CREB5: variants seen among roughly 807,000 people sequenced by gnomAD.
CREB5 encodes the protein cyclic AMP-responsive element-binding protein 5.
Under a neutral mutation model 57.1 loss-of-function variants are expected in CREB5, and 19 were observed. The ratio of observed to expected loss-of-function variants is 0.33; its 90% CI spans 0.23 to 0.49. The LOEUF is 0.49. CREB5 is among the 20% of genes least tolerant of loss of function. The probability of loss-of-function intolerance (pLI) is 0.99; values close to 1 mark genes in which losing one functional copy is unlikely to be tolerated. For missense variants in CREB5, 579 were observed against 671.6 expected, an observed-to-expected ratio of 0.86 and a Z score of 1.52; for synonymous variants, 238 against 238.3, an observed-to-expected ratio of 1.00 and a Z score of 0.01.
chr7:28,756,418 T>C (rs1461116314), intron 7 of CREB5, among the ~76,000 whole-genome samples: 2 of 151,974 alleles, frequency 1.3e-5, no homozygotes, highest in African/African-American at 4.8e-5. Context: ...TAGCCAGGCA[T>C]GGTGGCACAT....
chr7:28,761,087 G>A (rs981419501), intron 7 of CREB5, among the ~76,000 whole-genome samples: 2 of 152,116 alleles, frequency 1.3e-5, no homozygotes, highest in Admixed American at 6.6e-5. Context: ...AATATCGTCA[G>A]GTAGAGAACT....
In CREB5 at chr7:28,688,564, G is replaced by A. The variant is rs528809203; in HGVS notation, c.465-30189G>A. 5.9e-5 allele frequency among the ~76,000 whole-genome samples: 9 copies of A among 152,322 alleles called. No homozygotes were observed. In the East Asian group the frequency reaches 1.2e-3, roughly 20 times the overall value. Reference sequence around the variant, plus strand: ...ATGAAAAGCAAAACCGTATGTGCTTGTTAGATAATTTTCCAGACAATACTC... The same window carrying A: ...ATGAAAAGCAAAACCGTATGTGCTTATTAGATAATTTTCCAGACAATACTC... On this transcript the variant is annotated intron_variant, in intron 5 of 10. Coordinates refer to ENST00000357727, the MANE Select transcript of CREB5 (RefSeq NM_182898.4).
intron 7 of CREB5, among the ~76,000 whole-genome samples, chr7:28,736,220 A>G (rs1193134030): frequency 6.6e-6 from 1 of 152,094 alleles, no homozygotes; most frequent in Non-Finnish European, 1.5e-5. Flanking sequence ...CCCAGGCTGG[A>G]GTACAGTGGT....
intron 1 of CREB5, among the ~76,000 whole-genome samples, chr7:28,432,620 A>C (rs1356832625): frequency 6.6e-6 from 1 of 152,204 alleles, no homozygotes; most frequent in Non-Finnish European, 1.5e-5. Flanking sequence ...AATTCAACCA[A>C]TTCTAATCCT....
chr7:28,562,177 C>G (rs1030880332), intron 4 of CREB5, among the ~76,000 whole-genome samples: 3 of 152,162 alleles, frequency 2.0e-5, no homozygotes, highest in African/African-American at 7.2e-5. Flanking sequence ...CTCCTTTTAA[C>G]CCATATGATT....
At chr7:28,522,390 G>GTTTTTTTTTTTTTTTT (rs11291433) in intron 4 of CREB5, among the ~76,000 whole-genome samples, 1 of 97,604 alleles carries the variant, frequency 1.0e-5, no homozygotes. Flanking sequence ...CCTGCTCTTT[G>GTTTTTTTTTTTTTTTT]TTTTTTTTTT....
chr7:28,608,967 G>T (rs143283263), intron 5 of CREB5: 1 of 152,150 alleles, frequency 6.6e-6, no homozygotes, highest in Non-Finnish European at 1.5e-5. Context: ...GTGTTCATTC[G>T]TGATCTATGA....
chr7:28,355,163 G>T (rs977181832), intron 1 of CREB5, among the ~76,000 whole-genome samples: 2 of 152,208 alleles, frequency 1.3e-5, no homozygotes, highest in Non-Finnish European at 2.9e-5. Context: ...TCAAGCAAGA[G>T]AAGGACATTT....
intron 7 of CREB5, among the ~76,000 whole-genome samples, chr7:28,737,982 CAT>C (rs1804123701): frequency 6.6e-6 from 1 of 152,084 alleles, no homozygotes; most frequent in Admixed American, 6.5e-5. Context: ...ATTGTAAACA[CAT>C]GTTATTGTTT....
At chr7:28,367,683 C>T (rs1419584962) in intron 1 of CREB5, among the ~76,000 whole-genome samples, 3 of 152,184 alleles carry the variant, frequency 2.0e-5, no homozygotes, top group African/African-American at 7.2e-5. Flanking sequence ...CAGCGCATGC[C>T]TGTAATCCCA....
At chr7:28,315,041 A>G (rs1785350530) in intron 1 of CREB5, among the ~76,000 whole-genome samples, 1 of 152,186 alleles carries the variant, frequency 6.6e-6, no homozygotes, top group African/African-American at 2.4e-5. Flanking sequence ...AAGCCCTTGA[A>G]GTCAGTAGGA....
intron 5 of CREB5, among the ~76,000 whole-genome samples, chr7:28,689,088 AT>A (rs1801105006): frequency 6.6e-6 from 1 of 152,016 alleles, no homozygotes; most frequent in Admixed American, 6.6e-5. Context: ...TTTGACGACT[AT>A]TTTGTTCTGT....
chr7:28,639,262 T>C (rs1798551693), intron 5 of CREB5, among the ~76,000 whole-genome samples: 1 of 152,198 alleles, frequency 6.6e-6, no homozygotes, highest in East Asian at 1.9e-4. Context: ...GATGCAAACG[T>C]GGGTCTCCTC....
rs145440597 is a variant in CREB5 at position 28,637,315 on chromosome 7, A to G, written c.464+66778A>G. Reference sequence around the variant, plus strand: ...TCATTCATTTATTCATTCACTCAAGAGATAGCTTTGAGAGGCCATAGTTTG... The same window carrying G: ...TCATTCATTTATTCATTCACTCAAGGGATAGCTTTGAGAGGCCATAGTTTG... On this transcript the variant is annotated intron_variant, in intron 5 of 10. Coordinates refer to ENST00000357727, the MANE Select transcript of CREB5 (RefSeq NM_182898.4). Among the ~76,000 whole-genome samples, 620 of 152,260 alleles carry G rather than the reference A, an allele frequency of 4.1e-3. 2 individuals are homozygous for G. The highest frequency in any genetic ancestry group is 0.014 in the African/African-American group (585 of 41,542).
At chr7:28,585,082 C>T (rs1796260462) in intron 5 of CREB5, among the ~76,000 whole-genome samples, 1 of 152,206 alleles carries the variant, frequency 6.6e-6, no homozygotes, top group African/African-American at 2.4e-5. Context: ...CATAAACATC[C>T]ACTTTGAGGC....
chr7:28,330,125 A>G (rs902677985), intron 1 of CREB5, among the ~76,000 whole-genome samples: 8 of 152,350 alleles, frequency 5.3e-5, no homozygotes, highest in Middle Eastern at 6.8e-3. Context: ...ACATCTGCAA[A>G]TCATTGTGCA....
intron 1 of CREB5, among the ~76,000 whole-genome samples, chr7:28,309,861 C>T (rs1373489944): frequency 6.6e-6 from 1 of 152,174 alleles, no homozygotes; most frequent in Non-Finnish European, 1.5e-5. Flanking sequence ...CATCTCAGCA[C>T]ACCTGACATG....
chr7:28,537,608 G>A (rs1031367575), intron 4 of CREB5, among the ~76,000 whole-genome samples: 1 of 152,128 alleles, frequency 6.6e-6, no homozygotes, highest in Non-Finnish European at 1.5e-5. Flanking sequence ...GCTGCTTGAC[G>A]TTCTGTGGGG....
intron 7 of CREB5, among the ~76,000 whole-genome samples, chr7:28,750,307 G>A (rs1025394457): frequency 1.3e-5 from 2 of 152,070 alleles, no homozygotes; most frequent in Non-Finnish European, 2.9e-5. Context: ...TCCTGAAGTT[G>A]GGGCTCATCA....
Sources: gnomAD v4.1 joint callset for allele counts (sites outside exome capture counted in the v4.1 genomes callset) on GRCh38, gnomAD v4.1.1 for gene constraint, MANE v1.5 for transcripts, NCBI Gene and HGNC (gene_info 2026-07-23, HGNC 2026-07-21) for gene names.